GRTP1: variants seen among roughly 807,000 people sequenced by gnomAD.
The protein encoded by GRTP1 is growth hormone regulated TBC protein 1, also known as growth hormone-regulated TBC protein 1.
In GRTP1, 56 loss-of-function variants were observed where a neutral mutation model predicts 38.1. That is an observed-to-expected ratio of 1.47 (90% CI 1.19 to 1.84). The LOEUF is 1.84. GRTP1 is among the 40% of genes most tolerant of loss of function. The pLI, the probability that GRTP1 is intolerant of heterozygous loss-of-function variation, is 0.00. For synonymous variants in GRTP1, 217 were observed against 189.5 expected (o/e 1.14, Z -1.19); for missense variants, 506 against 453.9 (o/e 1.11, Z -1.04).
intron 4 of GRTP1, among the ~76,000 whole-genome samples, chr13:113,346,039 TGTGGCCGAGAGCAGACCC>T (rs1381925207): frequency 1.4e-4 from 12 of 86,824 alleles, no homozygotes; most frequent in African/African-American, 3.4e-4. Flanking sequence ...GGAAGACATC[TGTGGCCGAGAGCAGACCC>T]GGGAGGACCT....
At chr13:113,347,556 G>A (rs1326399444) in intron 4 of GRTP1, among the ~76,000 whole-genome samples, 8 of 87,336 alleles carry the variant, frequency 9.2e-5, no homozygotes, top group South Asian at 3.5e-4. Flanking sequence ...GGACCTCTGT[G>A]GCAGAGAGCA....
intron 5 of GRTP1, among the ~76,000 whole-genome samples, chr13:113,340,728 C>T (rs112735133): frequency 0.062 from 9,344 of 151,844 alleles, 791 homozygotes; most frequent in African/African-American, 0.19. Context: ...TGCAGTGAGC[C>T]GAGATTGCGC....
Position 113,350,853 on chromosome 13 carries a change from C to A in GRTP1, c.461G>T (p.Cys154Phe). ...YGHHNQGVGY[C>F]QGMNFIAGYL... Reference sequence around the variant, plus strand: ...TCAGAGGGTCCCGAGGCTCACCTGGCAGTAGCCCACTCCCTGGTTATGGTG... The same window carrying A: ...TCAGAGGGTCCCGAGGCTCACCTGGAAGTAGCCCACTCCCTGGTTATGGTG... Residue 154 changes from cysteine to phenylalanine, a missense_variant, in exon 4 of 8, where the codon TGC becomes TTC. Coordinates refer to ENST00000375431, the MANE Select transcript of GRTP1 (RefSeq NM_024719.4). 1 of 1,570,486 alleles carries A rather than the reference C, an allele frequency of 6.4e-7. No individual in the cohort carries two copies. The highest frequency in any genetic ancestry group is 2.3e-5 in the East Asian group (1 of 43,782).
At chr13:113,335,148 G>T (rs1419049369) in intron 5 of GRTP1, among the ~76,000 whole-genome samples, 2 of 151,946 alleles carry the variant, frequency 1.3e-5, no homozygotes, top group Non-Finnish European at 2.9e-5. Context: ...AAACCTGTCA[G>T]TTTTATAATG....
In GRTP1 at chr13:113,329,694, A is replaced by G. The variant is rs7990318; in HGVS notation, c.563-3603T>C. On this transcript the variant is annotated intron_variant, in intron 5 of 7. Coordinates refer to ENST00000375431, the MANE Select transcript of GRTP1 (RefSeq NM_024719.4). ...TGCGGGACTACATACAAAGCACTCC[A>G]AGTGTTTCTAAAATAGCTGCCCCAT... Among the ~76,000 whole-genome samples, 1,224 of 152,374 alleles carry G rather than the reference A, an allele frequency of 8.0e-3. 12 individuals are homozygous for G. Among genetic ancestry groups the G allele is most frequent in the African/African-American group, 0.028 (1,150 of 41,592 alleles).
rs772352606 is a variant in GRTP1, at chr13:113,349,342, C to T, written c.465+1507G>A. 9.9e-5 allele frequency among the ~76,000 whole-genome samples: 15 copies of T among 151,580 alleles called. No homozygotes were observed. The highest frequency in any genetic ancestry group is 3.5e-3 in the Middle Eastern group (1 of 288). ...CAGCCGGGACCACAGGCGTGTGCCA[C>T]CACACCCCGCTAATTTTTAAAAATA... On this transcript the variant is annotated intron_variant, in intron 4 of 7. Coordinates refer to ENST00000375431, the MANE Select transcript of GRTP1 (RefSeq NM_024719.4). This position sits in a 1 kb window ranked among gnomAD's most constrained non-coding sequence, Gnocchi z 5.0.
intron 5 of GRTP1, among the ~76,000 whole-genome samples, chr13:113,329,691 TC>T (rs1377536644): frequency 6.6e-6 from 1 of 152,224 alleles, no homozygotes; most frequent in South Asian, 2.1e-4. Context: ...TACAAAGCAC[TC>T]CAAGTGTTTC....
Position 113,358,848 on chromosome 13 carries a change from C to T in GRTP1, c.182-3367G>A, listed in dbSNP as rs115727411. Among the ~76,000 whole-genome samples, 458 of 152,304 alleles carry T rather than the reference C, an allele frequency of 3.0e-3. 4 individuals carry two copies. The highest frequency in any genetic ancestry group is 0.011 in the African/African-American group (442 of 41,564). ...AAAATTTACAGCCACATTGGAAAGG[C>T]GGTTTGTAATTTCTTACTAGTTAGT... is the stretch of plus-strand genomic sequence containing the variant. On this transcript the variant is annotated intron_variant, in intron 2 of 7. Transcript: ENST00000375431.
At chr13:113,350,306 T>C (rs1187033014) in intron 4 of GRTP1, among the ~76,000 whole-genome samples, 1 of 152,070 alleles carries the variant, frequency 6.6e-6, no homozygotes, top group Non-Finnish European at 1.5e-5. Context: ...CTCTCCCAAC[T>C]GCAGCTGCTG....
rs531316619 is a variant in GRTP1 at position 113,354,719 on chromosome 13, G to A, written c.340+604C>T. Among the ~76,000 whole-genome samples the A allele has an allele frequency of 3.9e-5, 6 of 152,090 alleles. No individual in the cohort carries two copies. The East Asian group carries it at 9.7e-4, about 25-fold the overall frequency. ...ATTTTGTATTTTTAGTAGAGACCGG[G>A]TTTCACCATGTTGGGCAGGCTGGTC... On this transcript the variant is annotated intron_variant, in intron 3 of 7. Coordinates refer to ENST00000375431, the MANE Select transcript of GRTP1 (RefSeq NM_024719.4).
chr13:113,356,998 C>T (rs1162259405), intron 2 of GRTP1, among the ~76,000 whole-genome samples: 1 of 147,280 alleles, frequency 6.8e-6, no homozygotes, highest in East Asian at 2.0e-4. Flanking sequence ...ACACTAATGC[C>T]ATCCACTGAA....
At chr13:113,362,228 G>C (rs1488126643) in intron 2 of GRTP1, among the ~76,000 whole-genome samples, 1 of 152,094 alleles carries the variant, frequency 6.6e-6, no homozygotes, top group Non-Finnish European at 1.5e-5. Context: ...TACTCAGGAG[G>C]CTGAGGCAGG....
At chr13:113,363,495 G>A (rs960072057) in intron 2 of GRTP1, among the ~76,000 whole-genome samples, 1 of 152,010 alleles carries the variant, frequency 6.6e-6, no homozygotes, top group East Asian at 1.9e-4. Context: ...GTGAGCCACC[G>A]CGCCCGGCAT....
rs563475835 is a variant in GRTP1, at chr13:113,325,275, C to G, written c.921+386G>C. On this transcript the variant is annotated intron_variant, in intron 7 of 7. Coordinates refer to ENST00000375431, the MANE Select transcript of GRTP1 (RefSeq NM_024719.4). ...GAGCCTCTCCTGGCGTCTTGGCTTC[C>G]TCAGAAGGCCTGTCAGGTACAGCTC... is the stretch of plus-strand genomic sequence containing the variant. 29 of 1,269,432 alleles carry G rather than the reference C, an allele frequency of 2.3e-5. No individual in the cohort carries two copies. The African/African-American group carries it at 4.0e-4, about 18-fold the overall frequency. 78.6% of individuals were successfully genotyped at this position (1,269,432 alleles called of 1,614,324 possible). A position where few individuals can be genotyped will look rare whatever the true frequency, so the allele number is the denominator to read the frequency against.
chr13:113,325,688 G>C lies in GRTP1; in HGVS notation c.894C>G (p.Phe298Leu). 1.2e-6 allele frequency: 2 copies of C among 1,614,196 alleles called. No individual in the cohort carries two copies. Among genetic ancestry groups the C allele is most frequent in the Non-Finnish European group, 1.7e-6 (2 of 1,180,032 alleles). ...DKFKQITKGS[F>L]VMECHTFMQK... Reference sequence around the variant, plus strand: ...GCATAAACGTGTGACACTCCATCACGAAACTCCCTTTGGTTATCTGCTTAA... The same window carrying C: ...GCATAAACGTGTGACACTCCATCACCAAACTCCCTTTGGTTATCTGCTTAA... Residue 298 changes from phenylalanine to leucine, a missense_variant, in exon 7 of 8, where the codon TTC becomes TTG. Coordinates refer to ENST00000375431, the MANE Select transcript of GRTP1 (RefSeq NM_024719.4).
chr13:113,332,743 G>A (rs955175018), intron 5 of GRTP1, among the ~76,000 whole-genome samples: 1 of 152,360 alleles, frequency 6.6e-6, no homozygotes, highest in African/African-American at 2.4e-5. Flanking sequence ...AAACAGGCGG[G>A]TCCAGGTCTG....
intron 2 of GRTP1, chr13:113,360,414 A>T (rs1462474504): frequency 6.6e-6 from 1 of 152,260 alleles, no homozygotes; most frequent in Non-Finnish European, 1.5e-5. Flanking sequence ...TGGAGACTTT[A>T]ACATGGGGAG....
chr13:113,325,938 A>C lies in GRTP1; in HGVS notation c.716T>G (p.Val239Gly). 1 of 1,613,890 alleles carries C rather than the reference A, an allele frequency of 6.2e-7. No homozygotes were observed. The highest frequency in any genetic ancestry group is 1.7e-5 in the Admixed American group (1 of 60,024). Reference sequence around the variant, plus strand: ...GCTCACCTCCACGGGCAAGATGTCCACAAACAGGCAGATGAACCAGCGGGA... The same window carrying C: ...GCTCACCTCCACGGGCAAGATGTCCCCAAACAGGCAGATGAACCAGCGGGA... ...LVSRWFICLF[V>G]DILPVETVLR... Residue 239 changes from valine (V) to glycine (G), a missense_variant, in exon 6 of 8, where the codon GTG becomes GGG. Coordinates refer to ENST00000375431, the MANE Select transcript of GRTP1 (RefSeq NM_024719.4).
intron 5 of GRTP1, among the ~76,000 whole-genome samples, chr13:113,341,458 G>T (rs1423373459): frequency 1.3e-5 from 2 of 152,130 alleles, no homozygotes; most frequent in Admixed American, 1.3e-4. Context: ...GTAGAGATGG[G>T]GTTTCACCAT....
Sources: allele counts gnomAD v4.1 joint callset (sites outside exome capture counted in the v4.1 genomes callset), GRCh38; gene constraint gnomAD v4.1.1; non-coding constraint Gnocchi (gnomAD v3.1); transcripts MANE v1.5; gene names NCBI Gene and HGNC (gene_info 2026-07-23, HGNC 2026-07-21).